Variants in COPA observed in about 807,000 individuals in gnomAD.
COPA encodes coat protein complex I subunit alpha.
COPA carries 10 observed loss-of-function variants against 158.7 expected under a neutral mutation model. The ratio of observed to expected loss-of-function variants is 0.06; its 90% CI spans 0.04 to 0.11. COPA has a LOEUF of 0.11. Ranked by LOEUF, COPA falls within the 10% of genes least tolerant of loss-of-function variation. COPA has a pLI of 1.00. For synonymous variants in COPA, 462 were observed against 542.8 expected (o/e 0.85, Z 2.07); for missense variants, 1,065 against 1,536.7 (o/e 0.69, Z 5.13).
chr1:160,291,120 G>C (rs1171204084), intron 31 of COPA, among the ~76,000 whole-genome samples: 3 of 152,160 alleles, frequency 2.0e-5, no homozygotes, highest in African/African-American at 7.2e-5. Flanking sequence ...AGGTTGCACG[G>C]CACTCTTAGA....
chr1:160,325,171 T>C (rs1172708900), intron 7 of COPA, among the ~76,000 whole-genome samples: 1 of 152,174 alleles, frequency 6.6e-6, no homozygotes, highest in Non-Finnish European at 1.5e-5. Context: ...CTTTCCCTTA[T>C]GCTTTTCTGT....
chr1:160,300,181 A>C (rs190242547), intron 17 of COPA, among the ~76,000 whole-genome samples: 2,314 of 151,994 alleles, frequency 0.015, 53 homozygotes, highest in African/African-American at 0.053. Context: ...CTCTACTAAA[A>C]ATACAAAAAT....
chr1:160,309,039 G>A (rs1658879937), intron 13 of COPA, 62 bp downstream of exon 13: 1 of 1,314,818 alleles, frequency 7.6e-7, no homozygotes, highest in South Asian at 1.2e-5. Context: ...AACTTGAAGA[G>A]GAGTTATGAT....
intron 19 of COPA, 28 bp from the exon 20 acceptor site, chr1:160,297,773 AG>A (rs1658462177): frequency 1.2e-6 from 2 of 1,605,350 alleles, no homozygotes; most frequent in Non-Finnish European, 1.7e-6. Flanking sequence ...TCGTGTTAAC[AG>A]GTTGAAGGAC....
intron 11 of COPA, among the ~76,000 whole-genome samples, chr1:160,310,903 G>A (rs1379783509): frequency 6.6e-6 from 1 of 152,122 alleles, no homozygotes; most frequent in Non-Finnish European, 1.5e-5. Context: ...AAACAAAGGC[G>A]AAAAGTTCTG....
intron 1 of COPA, 65 bp from the exon 2 acceptor site, chr1:160,340,359 C>T: frequency 9.7e-7 from 1 of 1,034,002 alleles, no homozygotes; most frequent in Non-Finnish European, 1.5e-6. Context: ...TCTGTCAATT[C>T]TGATAAGAAA....
intron 21 of COPA, 58 bp downstream of exon 21, chr1:160,297,284 CA>C: frequency 6.6e-7 from 1 of 1,507,654 alleles, no homozygotes; most frequent in Admixed American, 1.7e-5. Context: ...ATTAACTCAA[CA>C]AAAACAGAAA....
chr1:160,334,712 T>C (rs1230960030), intron 4 of COPA, among the ~76,000 whole-genome samples: 1 of 152,228 alleles, frequency 6.6e-6, no homozygotes, highest in Non-Finnish European at 1.5e-5. Flanking sequence ...ATTCAGAGGT[T>C]GGGAGTCTGT....
chr1:160,291,542 G>A (rs1658232527), intron 30 of COPA, 46 bp from the exon 31 acceptor site: 10 of 1,593,162 alleles, frequency 6.3e-6, no homozygotes, highest in Non-Finnish European at 8.6e-6. Context: ...TGCTACACCT[G>A]GTAGAAGTCA....
chr1:160,320,739 T>C (rs1659305881), intron 8 of COPA, among the ~76,000 whole-genome samples: 1 of 146,834 alleles, frequency 6.8e-6, no homozygotes, highest in Non-Finnish European at 1.5e-5. Context: ...ACTGCTTTAC[T>C]GCTGAATTCT....
At chr1:160,318,751 G>A (rs560159705) in intron 8 of COPA, among the ~76,000 whole-genome samples, 46 of 152,044 alleles carry the variant, frequency 3.0e-4, no homozygotes, top group African/African-American at 1.0e-3. Context: ...GTGTGTTTTA[G>A]CCTTTGTTTT....
intron 27 of COPA, among the ~76,000 whole-genome samples, chr1:160,292,843 A>G (rs1658285119): frequency 6.6e-6 from 1 of 152,198 alleles, no homozygotes; most frequent in Admixed American, 6.5e-5. Context: ...TGTTATCATT[A>G]TTGTTGTTAT....
intron 8 of COPA, among the ~76,000 whole-genome samples, chr1:160,316,126 G>A (rs1172437582): frequency 6.6e-6 from 1 of 152,160 alleles, no homozygotes; most frequent in African/African-American, 2.4e-5. Flanking sequence ...TTGGGAGGCC[G>A]AGGTGGGTGG....
intron 17 of COPA, among the ~76,000 whole-genome samples, chr1:160,304,296 G>A (rs999805180): frequency 4.0e-5 from 6 of 151,570 alleles, no homozygotes; most frequent in African/African-American, 9.7e-5. Context: ...TTACAGACGT[G>A]AGCCACCACG....
intron 6 of COPA, among the ~76,000 whole-genome samples, chr1:160,327,633 G>A (rs934585697): frequency 3.9e-5 from 6 of 152,124 alleles, no homozygotes; most frequent in Admixed American, 2.0e-4. Flanking sequence ...CAAGGCAGGT[G>A]GAACAACTGA....
At chr1:160,335,971 A>G (rs1409486156) in intron 3 of COPA, among the ~76,000 whole-genome samples, 1 of 149,888 alleles carries the variant, frequency 6.7e-6, no homozygotes, top group Non-Finnish European at 1.5e-5. Context: ...CCAGGGCTTG[A>G]TTTGCAACTC....
chr1:160,320,719 C>T (rs1324067550), intron 8 of COPA, among the ~76,000 whole-genome samples: 1 of 146,940 alleles, frequency 6.8e-6, no homozygotes, highest in Non-Finnish European at 1.5e-5. Flanking sequence ...AAAGAAAAGC[C>T]CAGGACCTGA....
At chr1:160,305,640 G>T in intron 16 of COPA, 48 bp downstream of exon 16, 1 of 1,613,886 alleles carries the variant, frequency 6.2e-7, no homozygotes, top group Non-Finnish European at 8.5e-7. Flanking sequence ...AGGGATCGGG[G>T]TGGAAGGGAA....
chr1:160,334,167 A>G (rs1422155754), intron 4 of COPA, among the ~76,000 whole-genome samples: 1 of 152,212 alleles, frequency 6.6e-6, no homozygotes, highest in African/African-American at 2.4e-5. Context: ...TTTGGAGTCT[A>G]TAAGATTGTT....
Sources: gnomAD v4.1 joint callset for allele counts (sites outside exome capture counted in the v4.1 genomes callset) on GRCh38, gnomAD v4.1.1 for gene constraint, MANE v1.5 for transcripts, NCBI Gene and HGNC (gene_info 2026-07-23, HGNC 2026-07-21) for gene names.